CYTH3: variants seen among roughly 807,000 people sequenced by gnomAD.
The protein encoded by CYTH3 is cytohesin-3.
In CYTH3, 23 loss-of-function variants were observed where a neutral mutation model predicts 55.1. The observed-to-expected ratio is 0.42, with a 90% CI of 0.30 to 0.59. CYTH3 has a LOEUF of 0.59. Ranked by LOEUF, CYTH3 falls within the 20% of genes least tolerant of loss-of-function variation. CYTH3 has a pLI of 0.20. For missense variants in CYTH3, 413 were observed against 524.8 expected (o/e 0.79, Z 2.08); for synonymous variants, 249 against 194.9 (o/e 1.28, Z -2.31).
chr7:6,256,838 CCTCT>C (rs1780141040), intron 1 of CYTH3, among the ~76,000 whole-genome samples: 2 of 152,174 alleles, frequency 1.3e-5, no homozygotes, highest in African/African-American at 2.4e-5. Flanking sequence ...GACTCTGCTC[CCTCT>C]GAGAGCTGTC....
At chr7:6,239,359 T>C (rs1198736254) in intron 1 of CYTH3, among the ~76,000 whole-genome samples, 1 of 152,172 alleles carries the variant, frequency 6.6e-6, no homozygotes, top group Non-Finnish European at 1.5e-5. Flanking sequence ...CTCTGACCTC[T>C]CCCCTTTAGC....
chr7:6,173,303 T>G (rs1052879130), intron 6 of CYTH3, among the ~76,000 whole-genome samples: 1 of 152,062 alleles, frequency 6.6e-6, no homozygotes, highest in African/African-American at 2.4e-5. Context: ...TTGGGTCAAG[T>G]GTGGAAGGAA....
rs1056408281 is a variant in CYTH3 at position 6,178,183 on chromosome 7, T to C, written c.250-242A>G. 4.6e-5 allele frequency among the ~76,000 whole-genome samples: 7 copies of C among 152,260 alleles called. No individual in the cohort carries two copies. In the South Asian group the frequency reaches 6.2e-4, roughly 13 times the overall value. On this transcript the variant is annotated intron_variant, in intron 4 of 12. Transcript: ENST00000350796. Reference sequence around the variant, plus strand: ...AGTTAAAAGACAGACAAATGGGTTATTGAACAAACCATTACAGGTGGTTAT... The same window carrying C: ...AGTTAAAAGACAGACAAATGGGTTACTGAACAAACCATTACAGGTGGTTAT...
At chr7:6,237,189 T>A (rs1779545835) in intron 1 of CYTH3, among the ~76,000 whole-genome samples, 1 of 152,212 alleles carries the variant, frequency 6.6e-6, no homozygotes, top group Non-Finnish European at 1.5e-5. Context: ...GTCTTCTCAA[T>A]CCACTTTTAG....
At chr7:6,245,207 T>A (rs1318499389) in intron 1 of CYTH3, among the ~76,000 whole-genome samples, 2 of 151,956 alleles carry the variant, frequency 1.3e-5, no homozygotes, top group Non-Finnish European at 2.9e-5. Context: ...AGTGTAAGGT[T>A]GTGTGCCAAA....
chr7:6,241,793 T>G (rs1779679024), intron 1 of CYTH3, among the ~76,000 whole-genome samples: 1 of 152,104 alleles, frequency 6.6e-6, no homozygotes, highest in African/African-American at 2.4e-5. Flanking sequence ...AGCTCAATTA[T>G]GACAGCTATC....
At chr7:6,237,637 G>A (rs1025223726) in intron 1 of CYTH3, among the ~76,000 whole-genome samples, 10 of 152,022 alleles carry the variant, frequency 6.6e-5, no homozygotes, top group Non-Finnish European at 1.2e-4. Flanking sequence ...GAACCCGGGG[G>A]GCAGAAGGTT....
intron 1 of CYTH3, among the ~76,000 whole-genome samples, chr7:6,256,997 TAC>T (rs1272254385): frequency 6.6e-6 from 1 of 152,250 alleles, no homozygotes; most frequent in African/African-American, 2.4e-5. Context: ...CTGACTAGTA[TAC>T]AGTTTAACCA....
intron 1 of CYTH3, among the ~76,000 whole-genome samples, chr7:6,230,029 G>C (rs1199782287): frequency 1.3e-5 from 2 of 151,988 alleles, no homozygotes; most frequent in African/African-American, 2.4e-5. Context: ...AGCTACTCAG[G>C]AGGCTGAGGT....
chr7:6,166,248 C>T lies in CYTH3; in HGVS notation c.824-438G>A, dbSNP rs1783004681. ...CCCCTGGGCCCAAGGAATCGTGAGA[C>T]TGAATTAATTTTGTAACAAGATCTG... On this transcript the variant is annotated intron_variant, in intron 9 of 12. Transcript: ENST00000350796. 2.6e-5 allele frequency among the ~76,000 whole-genome samples: 4 copies of T among 152,242 alleles called. No individual in the cohort carries two copies. The South Asian group carries it at 8.3e-4, about 32-fold the overall frequency.
intron 1 of CYTH3, among the ~76,000 whole-genome samples, chr7:6,229,304 T>C (rs560028916): frequency 1.3e-5 from 2 of 152,272 alleles, no homozygotes; most frequent in African/African-American, 4.8e-5. Flanking sequence ...TTAAAAACAG[T>C]CTCTTTAAAC....
intron 1 of CYTH3, among the ~76,000 whole-genome samples, chr7:6,237,224 A>G (rs1268497060): frequency 6.6e-6 from 1 of 152,218 alleles, no homozygotes. Context: ...TCTGATAGGC[A>G]CTGGAGGTAC....
chr7:6,178,163 A>G (rs1230558446), intron 4 of CYTH3, among the ~76,000 whole-genome samples: 1 of 152,252 alleles, frequency 6.6e-6, no homozygotes, highest in East Asian at 1.9e-4. Context: ...TAACAAGTTA[A>G]AAGACAGACA....
intron 1 of CYTH3, among the ~76,000 whole-genome samples, chr7:6,207,296 G>A (rs1303741101): frequency 4.0e-5 from 6 of 151,706 alleles, no homozygotes; most frequent in Non-Finnish European, 7.4e-5. Flanking sequence ...GGGCTTCACC[G>A]TGTTAGCCAG....
chr7:6,197,343 T>C (rs546988413), intron 1 of CYTH3, among the ~76,000 whole-genome samples: 4 of 152,260 alleles, frequency 2.6e-5, no homozygotes, highest in South Asian at 2.1e-4. Context: ...TCATAGTATA[T>C]AGGGATATAA....
intron 1 of CYTH3, among the ~76,000 whole-genome samples, chr7:6,237,268 G>C (rs1347129247): frequency 6.6e-6 from 1 of 152,208 alleles, no homozygotes; most frequent in Non-Finnish European, 1.5e-5. Context: ...GAACACAGTT[G>C]CCTGGGGAAC....
chr7:6,192,529 ATTTTTTT>A (rs36036670), intron 1 of CYTH3, among the ~76,000 whole-genome samples: 21 of 111,324 alleles, frequency 1.9e-4, no homozygotes, highest in African/African-American at 7.3e-4. Context: ...CCACAAGTCA[ATTTTTTT>A]TTTTTTTTTT....
chr7:6,205,875 TA>T (rs370194149), intron 1 of CYTH3, among the ~76,000 whole-genome samples: 1,368 of 27,938 alleles, frequency 0.049, 1 homozygote, highest in East Asian at 0.13. Flanking sequence ...TCCTATCTCT[TA>T]AAAAAAAAAA....
At chr7:6,215,920 T>A (rs534595213) in intron 1 of CYTH3, among the ~76,000 whole-genome samples, 1 of 152,294 alleles carries the variant, frequency 6.6e-6, no homozygotes, top group South Asian at 2.1e-4. Context: ...GAAAGAACTG[T>A]CAACCCTGAA....
Sources: allele counts gnomAD v4.1 joint callset (sites outside exome capture counted in the v4.1 genomes callset), GRCh38; gene constraint gnomAD v4.1.1; transcripts MANE v1.5; gene names NCBI Gene and HGNC (gene_info 2026-07-23, HGNC 2026-07-21).